The following ARMC1 variants were observed in gnomAD, a reference collection of about 807,000 sequenced individuals.
ARMC1 encodes armadillo repeat containing 1, also known as armadillo repeat-containing protein 1.
A neutral mutation model predicts 31.4 loss-of-function variants in ARMC1; 16 were observed. The observed-to-expected ratio is 0.51, with a 90% CI of 0.34 to 0.77. The LOEUF (loss-of-function observed/expected upper bound fraction) is 0.77, where lower values mean the gene tolerates loss of function less well. Ranked by LOEUF, ARMC1 falls within the 30% of genes least tolerant of loss-of-function variation. The probability of loss-of-function intolerance (pLI) is 0.01; values close to 1 mark genes in which losing one functional copy is unlikely to be tolerated. For synonymous variants in ARMC1, 114 were observed against 118.9 expected (o/e 0.96, Z 0.27); for missense variants, 259 against 347.5 (o/e 0.75, Z 2.02).
intron 2 of ARMC1, among the ~76,000 whole-genome samples, chr8:65,623,888 C>A (rs545900660): frequency 2.0e-5 from 3 of 146,360 alleles, no homozygotes; most frequent in Admixed American, 1.4e-4. Flanking sequence ...ACCTCCACCC[C>A]CCGAGTTCAA....
intron 3 of ARMC1, among the ~76,000 whole-genome samples, chr8:65,616,218 A>G (rs985623035): frequency 1.3e-5 from 2 of 152,136 alleles, no homozygotes; most frequent in Admixed American, 6.5e-5. Flanking sequence ...ATCTCGGCTC[A>G]CTACAACCTC....
At chr8:65,631,023 T>C (rs917285519) in intron 1 of ARMC1, among the ~76,000 whole-genome samples, 2 of 152,112 alleles carry the variant, frequency 1.3e-5, no homozygotes, top group Non-Finnish European at 2.9e-5. Flanking sequence ...GGGTTTACTG[T>C]ATAACAGAGG....
At chr8:65,632,856 C>A (rs1808677573) in intron 1 of ARMC1, 1 of 152,188 alleles carries the variant, frequency 6.6e-6, no homozygotes, top group Non-Finnish European at 1.5e-5. Flanking sequence ...AAGACCATAG[C>A]CTCACTAACA....
intron 4 of ARMC1, among the ~76,000 whole-genome samples, chr8:65,607,965 G>T (rs748483990): frequency 6.6e-6 from 1 of 152,000 alleles, no homozygotes; most frequent in Non-Finnish European, 1.5e-5. Flanking sequence ...CTAGCTGTTT[G>T]TTTTGTTTGG....
At chr8:65,624,914 A>G (rs1230143692) in intron 2 of ARMC1, among the ~76,000 whole-genome samples, 2 of 152,212 alleles carry the variant, frequency 1.3e-5, no homozygotes, top group Non-Finnish European at 2.9e-5. Context: ...TGAGGTCATG[A>G]GTTCGAGACT....
chr8:65,627,992 G>T (rs993986772), intron 1 of ARMC1, among the ~76,000 whole-genome samples: 11 of 152,104 alleles, frequency 7.2e-5, no homozygotes, highest in African/African-American at 2.7e-4. Context: ...AAAGATCATA[G>T]TGAATCTACA....
At position 65,621,379 on chromosome 8, in the gene ARMC1, C is replaced by T. The variant is rs1233398381; in HGVS notation, c.275+884G>A. ...ATGCTTATGATTGCCAGTATAGCTA[C>T]TGAGGCTACTCACACTATTTTAATT... On this transcript the variant is annotated intron_variant, in intron 3 of 6. Transcript: ENST00000276569. Among the ~76,000 whole-genome samples, 5 of 152,226 alleles carry T rather than the reference C, an allele frequency of 3.3e-5. No homozygotes were observed. In the East Asian group the frequency reaches 9.6e-4, roughly 29 times the overall value.
In ARMC1 at chr8:65,603,630, A is replaced by G. The variant is rs1053087; in HGVS notation, c.*764T>C. The G allele has an allele frequency of 0.34, 52,007 of 152,076 alleles. 9,399 individuals are homozygous for G. The highest frequency in any genetic ancestry group is 0.47 in the East Asian group (2,438 of 5,168). The allele number at this position is 152,076 out of a possible 1,614,324, so 9.4% of individuals were successfully genotyped here. ...ATCATGATCACATTAACTCTCAAGA[A>G]TTGATATAAGCCAAAGTGAAAAGAA... On this transcript the variant is annotated 3_prime_UTR_variant, in exon 7 of 7. Coordinates refer to ENST00000276569, the MANE Select transcript of ARMC1 (RefSeq NM_018120.6).
chr8:65,620,542 T>TC (rs111417649), intron 3 of ARMC1, among the ~76,000 whole-genome samples: 95,374 of 150,482 alleles, frequency 0.63, 30,414 homozygotes, highest in African/African-American at 0.69. Flanking sequence ...CCTCAGGTGA[T>TC]CACCTGCCTC....
At chr8:65,619,437 C>T (rs1373791201) in intron 3 of ARMC1, among the ~76,000 whole-genome samples, 2 of 151,996 alleles carry the variant, frequency 1.3e-5, no homozygotes, top group African/African-American at 4.8e-5. Flanking sequence ...ACTCAGAAGG[C>T]TGAGACAGGA....
chr8:65,613,695 G>A (rs1808192176), intron 3 of ARMC1, among the ~76,000 whole-genome samples: 1 of 152,208 alleles, frequency 6.6e-6, no homozygotes, highest in African/African-American at 2.4e-5. Flanking sequence ...GCCAGGCACA[G>A]TGGCTCATGC....
intron 3 of ARMC1, 92 bp downstream of exon 3, chr8:65,622,171 C>T: frequency 1.0e-6 from 1 of 991,714 alleles, no homozygotes; most frequent in South Asian, 1.5e-5. Context: ...GGAAGGATCG[C>T]TTGAACCCAG....
intron 2 of ARMC1, among the ~76,000 whole-genome samples, chr8:65,622,784 G>A (rs1308941166): frequency 6.6e-6 from 1 of 151,886 alleles, no homozygotes; most frequent in Non-Finnish European, 1.5e-5. Flanking sequence ...AGCACTTTGG[G>A]AGGCTGAGGT....
chr8:65,618,151 T>C (rs943384583), intron 3 of ARMC1, among the ~76,000 whole-genome samples: 3 of 152,000 alleles, frequency 2.0e-5, no homozygotes, highest in Admixed American at 6.6e-5. Flanking sequence ...CCTGACCTCG[T>C]GATACACCCG....
chr8:65,619,013 A>G (rs1180090618), intron 3 of ARMC1, among the ~76,000 whole-genome samples: 1 of 152,152 alleles, frequency 6.6e-6, no homozygotes, highest in African/African-American at 2.4e-5. Context: ...ACTGCACTAC[A>G]GCCTGGGCTA....
intron 1 of ARMC1, among the ~76,000 whole-genome samples, chr8:65,628,376 A>G (rs1359525221): frequency 7.2e-6 from 1 of 138,614 alleles, no homozygotes; most frequent in Non-Finnish European, 1.5e-5. Context: ...TCAGCCTCCT[A>G]GCCACGCCCG....
chr8:65,627,443 A>G lies in ARMC1; in HGVS notation c.-35-10T>C. The G allele has an allele frequency of 6.8e-7, 1 of 1,471,382 alleles. No individual in the cohort carries two copies. The highest frequency in any genetic ancestry group is 1.4e-5 in the South Asian group (1 of 70,598). The allele number at this position is 1,471,382 out of a possible 1,614,324, so 91.1% of individuals were successfully genotyped here. ...AATAAAATCTTAAATTCTGTAGAAA[A>G]GGTTTGCAGAATTAGTTCTAGGCTG... On this transcript the variant is annotated splice_polypyrimidine_tract_variant and intron_variant, in intron 1 of 6. Transcript: ENST00000276569.
chr8:65,612,152 C>A (rs943457050), intron 4 of ARMC1, among the ~76,000 whole-genome samples: 1 of 152,062 alleles, frequency 6.6e-6, no homozygotes, highest in Non-Finnish European at 1.5e-5. Flanking sequence ...TTTACTGACT[C>A]ATAGATTACT....
chr8:65,624,231 G>T (rs991522532), intron 2 of ARMC1, among the ~76,000 whole-genome samples: 11 of 151,614 alleles, frequency 7.3e-5, no homozygotes, highest in African/African-American at 2.7e-4. Flanking sequence ...AGGCATGGTG[G>T]CTCACGCCTA....
Sources: allele counts gnomAD v4.1 joint callset (sites outside exome capture counted in the v4.1 genomes callset), GRCh38; gene constraint gnomAD v4.1.1; transcripts MANE v1.5; gene names NCBI Gene and HGNC (gene_info 2026-07-23, HGNC 2026-07-21).